AK9: variants seen among roughly 807,000 people sequenced by gnomAD.
The protein encoded by AK9 is adenylate kinase domain containing 1.
A neutral mutation model predicts 239.6 loss-of-function variants in AK9; 191 were observed. The observed-to-expected ratio is 0.80, with a 90% confidence interval of 0.71 to 0.90. The LOEUF is 0.90. AK9 is among the 40% of genes least tolerant of loss of function. The probability of loss-of-function intolerance (pLI) is 0.00; values close to 1 mark genes in which losing one functional copy is unlikely to be tolerated. For missense variants in AK9, 1,995 were observed against 2,214.7 expected (o/e 0.90, Z 1.99); for synonymous variants, 689 against 721.0 (o/e 0.96, Z 0.71).
intron 35 of AK9, among the ~76,000 whole-genome samples, chr6:109,502,640 T>C (rs1777710728): frequency 6.6e-6 from 1 of 152,170 alleles, no homozygotes; most frequent in African/African-American, 2.4e-5. Flanking sequence ...AGTAAAACAA[T>C]TACAAAAGAT....
intron 31 of AK9, among the ~76,000 whole-genome samples, chr6:109,515,190 T>C (rs943023751): frequency 5.3e-5 from 8 of 152,234 alleles, no homozygotes; most frequent in Admixed American, 3.3e-4. Context: ...ACTAATACGA[T>C]TGGGTTCTTG....
chr6:109,644,098 A>G (rs998437240), intron 9 of AK9, among the ~76,000 whole-genome samples: 5 of 152,084 alleles, frequency 3.3e-5, no homozygotes, highest in Admixed American at 6.5e-5. Flanking sequence ...CCTCCTTCCT[A>G]TCTTTATCCC....
At position 109,633,097 on chromosome 6, in the gene AK9, T is replaced by C; in HGVS notation, c.1080A>G (p.Leu360=). The C allele has an allele frequency of 2.6e-6, 4 of 1,546,066 alleles. No individual in the cohort carries two copies. The highest frequency in any genetic ancestry group is 2.8e-5 in the African/African-American group (2 of 72,078). The change falls in exon 12 of 41, where the codon CTA becomes CTG. Residue 360 remains leucine, a synonymous_variant. Transcript: ENST00000424296. ...CTGATGAAAGACAGTAGATTTTACC[T>C]AGAAAACTTAAAATATGCCATATTA... The part of the protein sequence containing the change: ...SGLPDYSVSF[L]GKIYCLSSEE...
intron 13 of AK9, among the ~76,000 whole-genome samples, chr6:109,616,977 T>C (rs1794257875): frequency 1.3e-5 from 2 of 152,126 alleles, no homozygotes; most frequent in Admixed American, 1.3e-4. Flanking sequence ...TAAATAAATA[T>C]ATGAAAATCA....
intron 17 of AK9, among the ~76,000 whole-genome samples, chr6:109,599,563 T>C (rs1791606253): frequency 6.8e-6 from 1 of 147,386 alleles, no homozygotes; most frequent in African/African-American, 2.5e-5. Flanking sequence ...TGCAGGCTCT[T>C]TTTTGGTTCC....
At chr6:109,651,225 G>T (rs954149503) in intron 8 of AK9, among the ~76,000 whole-genome samples, 2 of 150,406 alleles carry the variant, frequency 1.3e-5, no homozygotes, top group South Asian at 2.1e-4. Context: ...AAAACTTAAA[G>T]AATAATAATA....
At chr6:109,515,803 C>T (rs1383723916) in intron 31 of AK9, 54 bp downstream of exon 31, 7 of 1,445,190 alleles carry the variant, frequency 4.8e-6, no homozygotes, top group Non-Finnish European at 6.6e-6. Context: ...AAAGACATAC[C>T]TTTGAAAAAA....
intron 36 of AK9, 45 bp from the exon 37 acceptor site, chr6:109,498,010 T>C: frequency 6.2e-7 from 1 of 1,600,566 alleles, no homozygotes; most frequent in South Asian, 1.1e-5. Flanking sequence ...AAACCAGAAA[T>C]GCTATGCCAA....
intron 12 of AK9, among the ~76,000 whole-genome samples, chr6:109,628,329 C>T (rs1275084267): frequency 6.6e-6 from 1 of 152,210 alleles, no homozygotes; most frequent in East Asian, 1.9e-4. Flanking sequence ...CCACCCTACT[C>T]ACAAGCAGCT....
chr6:109,585,973 T>C lies in AK9; in HGVS notation c.1942A>G (p.Ile648Val), dbSNP rs767721748. 4.5e-6 allele frequency: 7 copies of C among 1,551,502 alleles called. No individual in the cohort carries two copies. Among genetic ancestry groups the C allele is most frequent in the Non-Finnish European group, 6.1e-6 (7 of 1,146,870 alleles). The part of the protein sequence containing the change: ...PIVKELWMAL[I>V]KKGIIPDLVI... ...AAATCAGGTATAATTCCTTTCTTGA[T>C]TAAGGCCATCCACAATTCTTTTACA... Residue 648 changes from isoleucine (I) to valine (V), a missense_variant, in exon 18 of 41, where the codon ATC (isoleucine) becomes GTC (valine). Physicochemically the swap from Ile to Val is conservative, Grantham distance 29. Coordinates refer to ENST00000424296, the MANE Select transcript of AK9 (RefSeq NM_001145128.3).
chr6:109,662,233 T>G (rs1800522167), intron 6 of AK9, among the ~76,000 whole-genome samples: 1 of 152,046 alleles, frequency 6.6e-6, no homozygotes, highest in Non-Finnish European at 1.5e-5. Flanking sequence ...TTATGATAAG[T>G]AAGGTGTGGA....
intron 24 of AK9, among the ~76,000 whole-genome samples, chr6:109,553,350 CTTTG>C (rs562690644): frequency 4.9e-4 from 75 of 151,698 alleles, no homozygotes; most frequent in African/African-American, 1.7e-3. Flanking sequence ...GAAAGTTTTT[CTTTG>C]TTTGTGTCTT....
In AK9 at chr6:109,493,389, T is replaced by C; in HGVS notation, c.5716A>G (p.Ile1906Val). The C allele has an allele frequency of 1.9e-6, 3 of 1,613,968 alleles. No individual in the cohort carries two copies. Among genetic ancestry groups the C allele is most frequent in the Non-Finnish European group, 2.5e-6 (3 of 1,179,924 alleles). The change falls in exon 41 of 41, where the codon ATA becomes GTA. Residue 1906 changes from isoleucine (I) to valine (V), a missense_variant. Ile to Val is a conservative substitution (Grantham distance 29). Around this residue, in one of 5 missense-constraint regions of AK9, gnomAD observed 391 missense variants for 456.0 expected, o/e 0.86. Coordinates refer to ENST00000424296, the MANE Select transcript of AK9 (RefSeq NM_001145128.3). ...KLKTFLSLRN[I>V]DPING The stretch of plus-strand genomic sequence containing the variant: ...GTAAACTACCCATTAATTGGGTCTA[T>C]ATTTCTGAGAGAGAGAAAGGTCTTT...
chr6:109,547,421 C>T (rs114273467), intron 25 of AK9, among the ~76,000 whole-genome samples: 2,199 of 152,254 alleles, frequency 0.014, 55 homozygotes, highest in African/African-American at 0.051. Context: ...TCATTTTCTA[C>T]AAAAGCACCA....
chr6:109,625,497 C>G (rs1014347494), intron 12 of AK9, among the ~76,000 whole-genome samples: 2 of 152,172 alleles, frequency 1.3e-5, no homozygotes, highest in Non-Finnish European at 2.9e-5. Flanking sequence ...GGTGAGCGGT[C>G]GATGAGCGTT....
chr6:109,658,815 T>A (rs1205899182), intron 7 of AK9, among the ~76,000 whole-genome samples: 1 of 151,618 alleles, frequency 6.6e-6, no homozygotes, highest in East Asian at 2.0e-4. Flanking sequence ...GCATGAAGCT[T>A]AAATTAAAAA....
At chr6:109,534,046 C>T (rs995733130) in intron 27 of AK9, among the ~76,000 whole-genome samples, 4 of 151,922 alleles carry the variant, frequency 2.6e-5, no homozygotes, top group African/African-American at 9.7e-5. Flanking sequence ...TACCCACCTC[C>T]CTGGGTCTCC....
chr6:109,540,353 T>C (rs932545032), intron 27 of AK9, among the ~76,000 whole-genome samples: 11 of 152,202 alleles, frequency 7.2e-5, no homozygotes, highest in Non-Finnish European at 1.5e-4. Flanking sequence ...GATCTCAGAC[T>C]GCTGTGTTAG....
intron 24 of AK9, among the ~76,000 whole-genome samples, chr6:109,555,743 TC>T (rs1222760512): frequency 6.6e-6 from 1 of 152,234 alleles, no homozygotes; most frequent in African/African-American, 2.4e-5. Flanking sequence ...GTTGAATTGT[TC>T]CCTTTACCAT....
Sources: allele counts gnomAD v4.1 joint callset (sites outside exome capture counted in the v4.1 genomes callset), GRCh38; gene constraint gnomAD v4.1.1; regional missense constraint gnomAD v4.1.1; transcripts MANE v1.5; gene names NCBI Gene and HGNC (gene_info 2026-07-23, HGNC 2026-07-21).